The following FCHO2 variants were observed in gnomAD, a reference collection of about 807,000 sequenced individuals.
FCHO2 encodes the protein FCH and mu domain containing endocytic adaptor 2, also known as F-BAR domain only protein 2.
FCHO2 carries 43 observed loss-of-function variants against 114.1 expected under a neutral mutation model. The observed-to-expected ratio is 0.38, with a 90% CI of 0.30 to 0.49. FCHO2 has a LOEUF of 0.49. FCHO2 is among the 20% of genes least tolerant of loss of function. The pLI is 0.97. For missense variants in FCHO2, 807 were observed against 950.4 expected (o/e 0.85, Z 1.98); for synonymous variants, 293 against 315.2 (o/e 0.93, Z 0.75).
Position 73,088,095 on chromosome 5 carries a change from C to T in FCHO2, c.*5C>T. 6.2e-7 allele frequency: 1 copy of T among 1,613,380 alleles called. No homozygotes were observed. Among genetic ancestry groups the T allele is most frequent in the East Asian group, 2.2e-5 (1 of 44,844 alleles). ...CGATACCTGGCGGATTGTTGATGGA[C>T]CTGGGAAAGTGATGTGGCTTCAGGG... On this transcript the variant is annotated 3_prime_UTR_variant, in exon 26 of 26. Transcript: ENST00000430046.
chr5:73,083,222 T>A (rs1300016335), intron 24 of FCHO2, among the ~76,000 whole-genome samples: 3 of 152,084 alleles, frequency 2.0e-5, no homozygotes, highest in Non-Finnish European at 2.9e-5. Flanking sequence ...AATACCTTTT[T>A]TAAGGGAAAG....
chr5:73,078,185 C>T lies in FCHO2; in HGVS notation c.1853C>T (p.Pro618Leu), dbSNP rs759780091. The T allele has an allele frequency of 5.1e-5, 78 of 1,543,272 alleles. No individual in the cohort carries two copies. In the South Asian group the frequency reaches 8.1e-4, roughly 16 times the overall value. The change falls in exon 22 of 26, where the codon CCA becomes CTA. Residue 618 changes from proline (P) to leucine (L), a missense_variant. Coordinates refer to ENST00000430046, the MANE Select transcript of FCHO2 (RefSeq NM_138782.3). The part of the protein sequence containing the change: ...LPNAQLVFSD[P>L]SQCDSNTKDF... ...TATATTTTTTATATATGTAGTGATC[C>T]ATCACAATGTGATTCCAACACAAAA... is the stretch of plus-strand genomic sequence containing the variant.
chr5:72,975,673 T>G (rs961409184), intron 2 of FCHO2, among the ~76,000 whole-genome samples: 15 of 151,952 alleles, frequency 9.9e-5, no homozygotes, highest in African/African-American at 3.6e-4. Flanking sequence ...CCTGGCTAAT[T>G]TTTGTATTTT....
chr5:73,081,926 G>T lies in FCHO2; in HGVS notation c.2124G>T (p.Val708=). ...CTAGTGTGCTTTCCAACATACAGGT[G>T]GTGGTACCAGTGGATGGAGGAGTAA... is the stretch of plus-strand genomic sequence containing the variant. ...VAPSVLSNIQ[V]VVPVDGGVTN... is the part of the protein sequence containing the mutation. The change falls in exon 23 of 26, where the codon GTG becomes GTT. Residue 708 remains valine, a synonymous_variant. Transcript: ENST00000430046. The T allele has an allele frequency of 2.5e-6, 4 of 1,609,032 alleles. No homozygotes were observed. The highest frequency in any genetic ancestry group is 3.4e-6 in the Non-Finnish European group (4 of 1,177,296).
chr5:73,063,959 T>G lies in FCHO2; in HGVS notation c.1449+15T>G, dbSNP rs1304989899. The G allele has an allele frequency of 1.3e-6, 2 of 1,578,698 alleles. No individual in the cohort carries two copies. The highest frequency in any genetic ancestry group is 1.7e-6 in the Non-Finnish European group (2 of 1,156,624). On this transcript the variant is annotated intron_variant, in intron 18 of 25. Transcript: ENST00000430046. ...TTAATGAAATAGTATGTACTCAGGTTTTTTAAAAATTATTTAACTGTTTTG... is the reference window on the plus strand; with the variant it reads ...TTAATGAAATAGTATGTACTCAGGTGTTTTAAAAATTATTTAACTGTTTTG...
At chr5:72,989,576 C>T (rs866775339) in intron 3 of FCHO2, 75 bp downstream of exon 3, 2 of 1,103,630 alleles carry the variant, frequency 1.8e-6, no homozygotes, top group Non-Finnish European at 2.7e-6. Context: ...CTTTTGAGGA[C>T]ATAACAGTTC....
intron 11 of FCHO2, 24 bp downstream of exon 11, chr5:73,041,339 A>G (rs1191339850): frequency 1.4e-6 from 2 of 1,407,412 alleles, no homozygotes; most frequent in Admixed American, 3.5e-5. Flanking sequence ...ACTTTGATAT[A>G]AACAATTTAA....
intron 5 of FCHO2, among the ~76,000 whole-genome samples, chr5:72,995,080 A>G (rs1383628968): frequency 6.6e-6 from 1 of 152,192 alleles, no homozygotes; most frequent in Non-Finnish European, 1.5e-5. Flanking sequence ...GTTTACCTAT[A>G]TAAGAAACCT....
intron 19 of FCHO2, 73 bp from the exon 20 acceptor site, chr5:73,074,669 G>A: frequency 1.5e-6 from 2 of 1,359,656 alleles, no homozygotes; most frequent in East Asian, 2.5e-5. Context: ...GCCTAACAAT[G>A]TGAATCTAAC....
At chr5:73,010,086 A>G (rs888429014) in intron 6 of FCHO2, among the ~76,000 whole-genome samples, 1 of 152,174 alleles carries the variant, frequency 6.6e-6, no homozygotes, top group South Asian at 2.1e-4. Flanking sequence ...TAATCCTTTT[A>G]CTTCTCCACT....
chr5:73,076,120 C>G lies in FCHO2; in HGVS notation c.1692-1218C>G, dbSNP rs1260279229. On this transcript the variant is annotated intron_variant, in intron 20 of 25. Coordinates refer to ENST00000430046, the MANE Select transcript of FCHO2 (RefSeq NM_138782.3). ...GAGGAGAGAACCAATAGACCCGTGT[C>G]TAGAAACTAAGTGAATAAATCATTT... Among the ~76,000 whole-genome samples the G allele has an allele frequency of 2.0e-5, 3 of 152,086 alleles. 1 individual carries two copies. The highest frequency in any genetic ancestry group is 1.3e-4 in the Admixed American group (2 of 15,244).
intron 10 of FCHO2, among the ~76,000 whole-genome samples, chr5:73,039,752 A>T (rs1756716446): frequency 6.6e-6 from 1 of 151,682 alleles, no homozygotes; most frequent in Non-Finnish European, 1.5e-5. Flanking sequence ...ACATTGTGAA[A>T]CCCTATCTCT....
intron 5 of FCHO2, among the ~76,000 whole-genome samples, chr5:73,006,216 A>G (rs1013479874): frequency 6.6e-6 from 1 of 152,180 alleles, no homozygotes; most frequent in Non-Finnish European, 1.5e-5. Flanking sequence ...TTCAAAGCAC[A>G]TTCCATCAAA....
intron 5 of FCHO2, chr5:72,997,137 A>G: frequency 8.9e-7 from 1 of 1,122,610 alleles, no homozygotes; most frequent in South Asian, 1.2e-5. Context: ...ATTCACTCCC[A>G]CCATGATGGG....
chr5:72,986,678 TTGAAA>T (rs1055769708), intron 2 of FCHO2, among the ~76,000 whole-genome samples: 1 of 152,190 alleles, frequency 6.6e-6, no homozygotes, highest in African/African-American at 2.4e-5. Flanking sequence ...TATCCCTTAT[TTGAAA>T]TGCTTGGGAG....
rs1009484595 is a variant in FCHO2 at position 73,088,633 on chromosome 5, A to G, written c.*543A>G. 2 of 153,304 alleles carry G rather than the reference A, an allele frequency of 1.3e-5. No homozygotes were observed. Among genetic ancestry groups the G allele is most frequent in the African/African-American group, 4.8e-5 (2 of 41,456 alleles). 9.5% of individuals were successfully genotyped at this position (153,304 alleles called of 1,614,324 possible). ...AGTCCAAGTTGTATGCAAAAAATCT[A>G]TAATTTGATTCTCATAAACATATTA... On this transcript the variant is annotated 3_prime_UTR_variant, in exon 26 of 26. Transcript: ENST00000430046.
chr5:73,020,880 C>G, intron 8 of FCHO2: 1 of 1,063,636 alleles, frequency 9.4e-7, no homozygotes, highest in Admixed American at 1.7e-5. Flanking sequence ...GCACCTGTAT[C>G]AGCTCACCAC....
At chr5:72,995,929 TC>T (rs1188944802) in intron 5 of FCHO2, among the ~76,000 whole-genome samples, 1 of 151,740 alleles carries the variant, frequency 6.6e-6, no homozygotes, top group East Asian at 1.9e-4. Context: ...TAATCATAGA[TC>T]AATTGTCAAA....
intron 2 of FCHO2, 29 bp from the exon 3 acceptor site, chr5:72,989,398 T>C (rs1370941141): frequency 6.5e-7 from 1 of 1,540,068 alleles, no homozygotes; most frequent in Non-Finnish European, 8.9e-7. Context: ...AAATAAGAAG[T>C]ATTATGATGT....
Sources: allele counts gnomAD v4.1 joint callset (sites outside exome capture counted in the v4.1 genomes callset), GRCh38; gene constraint gnomAD v4.1.1; transcripts MANE v1.5; gene names NCBI Gene and HGNC (gene_info 2026-07-23, HGNC 2026-07-21).